The following RPS6KA2 variants were observed in gnomAD, a reference collection of about 807,000 sequenced individuals.
The protein encoded by RPS6KA2 is ribosomal protein S6 kinase alpha-2.
A neutral mutation model predicts 91.8 loss-of-function variants in RPS6KA2; 42 were observed. The ratio of observed to expected loss-of-function variants is 0.46; its 90% confidence interval spans 0.36 to 0.59. RPS6KA2 has a LOEUF of 0.59. Ranked by LOEUF, RPS6KA2 falls within the 20% of genes least tolerant of loss-of-function variation. The probability of loss-of-function intolerance (pLI) is 0.00; values close to 1 mark genes in which losing one functional copy is unlikely to be tolerated. For missense variants in RPS6KA2, 798 were observed against 978.5 expected, an observed-to-expected ratio of 0.82 and a Z score of 2.46; for synonymous variants, 414 against 393.6, an observed-to-expected ratio of 1.05 and a Z score of -0.61.
intron 2 of RPS6KA2, among the ~76,000 whole-genome samples, chr6:166,749,903 A>G (rs1041643024): frequency 3.3e-5 from 5 of 150,776 alleles, no homozygotes; most frequent in Admixed American, 6.6e-5. Context: ...ACACAGACTA[A>G]GGCAGGAGGC....
chr6:166,726,572 G>A lies in RPS6KA2; in HGVS notation c.123+131628C>T, dbSNP rs1267248381. On this transcript the variant is annotated intron_variant, in intron 2 of 21. Transcript: ENST00000503859. This position sits in a 1 kb window ranked among gnomAD's most constrained non-coding sequence, Gnocchi z 4.4. ...GTCCCTTGCATGAAGAACTTAAGAC[G>A]TTTCTGAAGTGACTCACCAACTGAT... Among the ~76,000 whole-genome samples the A allele has an allele frequency of 6.6e-6, 1 of 152,188 alleles. No homozygotes were observed. Among genetic ancestry groups the A allele is most frequent in the African/African-American group, 2.4e-5 (1 of 41,436 alleles).
intron 2 of RPS6KA2, among the ~76,000 whole-genome samples, chr6:166,700,852 TC>T (rs1431651967): frequency 3.7e-4 from 56 of 152,278 alleles, no homozygotes; most frequent in Admixed American, 4.6e-4. Context: ...CTCTTCTCTT[TC>T]CCCCCTCTGC....
chr6:166,764,872 TCA>T (rs1289451676), intron 2 of RPS6KA2, among the ~76,000 whole-genome samples: 1 of 152,202 alleles, frequency 6.6e-6, no homozygotes, highest in Non-Finnish European at 1.5e-5. Flanking sequence ...GTGTGTGTGT[TCA>T]CACACATGTG....
At chr6:166,769,944 T>C (rs952447137) in intron 2 of RPS6KA2, among the ~76,000 whole-genome samples, 5 of 152,238 alleles carry the variant, frequency 3.3e-5, no homozygotes, top group African/African-American at 1.2e-4. Context: ...TTATTATATT[T>C]TTGCTTTTTA....
rs145986251 is a variant in RPS6KA2 at position 166,547,640 on chromosome 6, G to A, written c.100-8856C>T. ...GGCAGGCAGAGTGATGGCGGCAGCC[G>A]CTTAACCCATGGCACGTGTGCAGCA... On this transcript the variant is annotated intron_variant, in intron 1 of 20. Coordinates refer to ENST00000265678, the MANE Select transcript of RPS6KA2 (RefSeq NM_021135.6). Among the ~76,000 whole-genome samples the A allele has an allele frequency of 6.1e-3, 935 of 152,380 alleles. 9 individuals are homozygous for A. Among genetic ancestry groups the A allele is most frequent in the African/African-American group, 0.021 (893 of 41,588 alleles).
In RPS6KA2 at chr6:166,471,703, A is replaced by T. The variant is rs1457644472; in HGVS notation, c.908-1798T>A. 2.0e-5 allele frequency among the ~76,000 whole-genome samples: 3 copies of T among 152,352 alleles called. No individual in the cohort carries two copies. In the East Asian group the frequency reaches 5.8e-4, roughly 29 times the overall value. ...TACAGACGAGGACACTGAGGCTGAC[A>T]CAGGTTGGGTAGCTTGTTCAAAATC... On this transcript the variant is annotated intron_variant, in intron 10 of 20. Coordinates refer to ENST00000265678, the MANE Select transcript of RPS6KA2 (RefSeq NM_021135.6).
Position 166,733,934 on chromosome 6 carries a change from G to A in RPS6KA2, c.123+124266C>T, listed in dbSNP as rs1790602559. Reference sequence around the variant, plus strand: ...TTCTAAGGAAACTGTAGGGTGTGGAGTAGGATCACTGCTAGGGTGTGGGAA... The same window carrying A: ...TTCTAAGGAAACTGTAGGGTGTGGAATAGGATCACTGCTAGGGTGTGGGAA... On this transcript the variant is annotated intron_variant, in intron 2 of 21. Coordinates refer to the RPS6KA2 transcript ENST00000503859. The surrounding 1 kb of genome is among the most constrained non-coding windows in gnomAD (Gnocchi z 4.1). Among the ~76,000 whole-genome samples, 1 of 152,246 alleles carries A rather than the reference G, an allele frequency of 6.6e-6. No individual in the cohort carries two copies. The highest frequency in any genetic ancestry group is 1.5e-5 in the Non-Finnish European group (1 of 68,038).
chr6:166,598,748 T>C (rs1372627758), intron 1 of RPS6KA2, among the ~76,000 whole-genome samples: 3 of 152,246 alleles, frequency 2.0e-5, no homozygotes, highest in Non-Finnish European at 2.9e-5. Flanking sequence ...GTCCCAACTC[T>C]GGTAGATTTT....
At chr6:166,608,972 C>T (rs1045495790) in intron 1 of RPS6KA2, among the ~76,000 whole-genome samples, 2 of 152,134 alleles carry the variant, frequency 1.3e-5, no homozygotes, top group East Asian at 1.9e-4. Flanking sequence ...GGGCACTTTC[C>T]GGAACATGTC....
At chr6:166,531,014 A>C (rs1360561558) in intron 3 of RPS6KA2, among the ~76,000 whole-genome samples, 2 of 152,234 alleles carry the variant, frequency 1.3e-5, no homozygotes, top group African/African-American at 4.8e-5. Context: ...TATTTACGCA[A>C]TACAGCTCTT....
rs142571162 is a variant in RPS6KA2 at position 166,519,165 on chromosome 6, T to C, written c.299-8808A>G. On this transcript the variant is annotated intron_variant, in intron 3 of 20. Transcript: ENST00000265678. The stretch of plus-strand genomic sequence containing the variant: ...GGAGTTTTCATTTCTAAGATCTAGA[T>C]GTATAAAAAAGAAAACCAAGTGAAG... Among the ~76,000 whole-genome samples the C allele has an allele frequency of 2.6e-3, 389 of 152,320 alleles. 2 individuals are homozygous for C. The highest frequency in any genetic ancestry group is 9.0e-3 in the African/African-American group (374 of 41,586).
chr6:166,718,539 T>C (rs1790085502), intron 2 of RPS6KA2, among the ~76,000 whole-genome samples: 1 of 152,246 alleles, frequency 6.6e-6, no homozygotes, highest in Non-Finnish European at 1.5e-5. Context: ...TTTTTTATCA[T>C]ACAATAAAAT....
chr6:166,439,590 C>G (rs1253835182), intron 14 of RPS6KA2, among the ~76,000 whole-genome samples: 1 of 152,214 alleles, frequency 6.6e-6, no homozygotes, highest in Non-Finnish European at 1.5e-5. Context: ...GCTGCCCTCA[C>G]AGGGCCGTGC....
intron 6 of RPS6KA2, among the ~76,000 whole-genome samples, chr6:166,504,251 C>T (rs184301346): frequency 2.0e-5 from 3 of 152,356 alleles, no homozygotes; most frequent in African/African-American, 7.2e-5. Context: ...GCACCTGAGC[C>T]TGGCCTCCCT....
rs759654194 is a variant in RPS6KA2 at position 166,490,633 on chromosome 6, T to A, written c.818+38A>T. 1.6e-5 allele frequency: 23 copies of A among 1,411,050 alleles called. No individual in the cohort carries two copies. Among genetic ancestry groups the A allele is most frequent in the Non-Finnish European group, 2.3e-5 (23 of 1,006,458 alleles). The allele number at this position is 1,411,050 out of a possible 1,614,324, so 87.4% of individuals were successfully genotyped here. A position where few individuals can be genotyped will look rare whatever the true frequency, so the allele number is the denominator to read the frequency against. ...GGCAGCAGCTCTTGATATCAGAAGG[T>A]GCTCGCAGGTCTCTGGGGTGGCTCC... On this transcript the variant is annotated intron_variant, in intron 9 of 20. Transcript: ENST00000265678. This position sits in a 1 kb window ranked among gnomAD's most constrained non-coding sequence, Gnocchi z 4.2.
At chr6:166,480,522 T>TATA (rs1781175775) in intron 10 of RPS6KA2, among the ~76,000 whole-genome samples, 1 of 121,336 alleles carries the variant, frequency 8.2e-6, no homozygotes, top group African/African-American at 3.5e-5. Flanking sequence ...TATAATATAT[T>TATA]TTTTTTTTTT....
chr6:166,690,791 G>T (rs1789185355), intron 2 of RPS6KA2, among the ~76,000 whole-genome samples: 1 of 152,058 alleles, frequency 6.6e-6, no homozygotes, highest in Admixed American at 6.6e-5. Context: ...AGCAAACACT[G>T]CCCCTGCACT....
intron 19 of RPS6KA2, among the ~76,000 whole-genome samples, chr6:166,416,869 A>AC (rs1319275016): frequency 6.3e-4 from 94 of 149,562 alleles, no homozygotes; most frequent in African/African-American, 2.2e-3. Flanking sequence ...CTACACCATC[A>AC]CCTCCATCAT....
chr6:166,725,341 CTT>C (rs1012235594), intron 2 of RPS6KA2, among the ~76,000 whole-genome samples: 22 of 152,298 alleles, frequency 1.4e-4, no homozygotes, highest in African/African-American at 5.3e-4. Context: ...GTGTTTTTCT[CTT>C]TAAAAATTCC....
Sources: gnomAD v4.1 joint callset for allele counts (sites outside exome capture counted in the v4.1 genomes callset) on GRCh38, gnomAD v4.1.1 for gene constraint, Gnocchi (gnomAD v3.1) non-coding constraint, MANE v1.5 for transcripts, NCBI Gene and HGNC (gene_info 2026-07-23, HGNC 2026-07-21) for gene names.